The following PCDHA2 variants were observed in gnomAD, a reference collection of about 807,000 sequenced individuals.
The protein encoded by PCDHA2 is protocadherin alpha 2.
PCDHA2 carries 58 observed loss-of-function variants against 66.0 expected under a neutral mutation model. The observed-to-expected ratio is 0.88, with a 90% CI of 0.71 to 1.09. The LOEUF (loss-of-function observed/expected upper bound fraction) is 1.09, where lower values mean the gene tolerates loss of function less well. Ranked by LOEUF, PCDHA2 falls within the 50% of genes least tolerant of loss-of-function variation. The pLI, the probability that PCDHA2 is intolerant of heterozygous loss-of-function variation, is 0.00. For missense variants in PCDHA2, 1,267 were observed against 1,242.3 expected, an observed-to-expected ratio of 1.02 and a Z score of -0.30; for synonymous variants, 634 against 554.0, an observed-to-expected ratio of 1.14 and a Z score of -2.03.
chr5:140,941,597 G>T (rs2093124922), intron 1 of PCDHA2, among the ~76,000 whole-genome samples: 1 of 152,032 alleles, frequency 6.6e-6, no homozygotes, highest in Middle Eastern at 3.4e-3. Context: ...TTACAGCCAT[G>T]AGCCATGGTG....
chr5:140,808,769 C>A, intron 1 of PCDHA2: 2 of 1,612,380 alleles, frequency 1.2e-6, no homozygotes, highest in Non-Finnish European at 1.7e-6. Context: ...CCACGAGGAG[C>A]TAGAGCTGCT....
intron 1 of PCDHA2, among the ~76,000 whole-genome samples, chr5:140,838,693 C>T (rs2150291585): frequency 7.9e-5 from 12 of 151,860 alleles, no homozygotes; most frequent in East Asian, 7.7e-4. Flanking sequence ...CCCAACATTT[C>T]GGGAGGCCGA....
intron 1 of PCDHA2, chr5:140,827,923 C>A: frequency 1.0e-6 from 1 of 965,886 alleles, no homozygotes; most frequent in Non-Finnish European, 1.5e-6. Context: ...CGCTGTCTAC[C>A]ATGAAGTTAT....
chr5:140,805,272 T>G, intron 1 of PCDHA2: 1 of 1,287,730 alleles, frequency 7.8e-7, no homozygotes, highest in Non-Finnish European at 9.8e-7. Context: ...AATGAAAATA[T>G]TACAAATGAA....
intron 3 of PCDHA2, among the ~76,000 whole-genome samples, chr5:140,998,715 C>T (rs535565356): frequency 2.6e-5 from 4 of 152,236 alleles, no homozygotes; most frequent in African/African-American, 9.6e-5. Flanking sequence ...CAAGCTTGCA[C>T]CACCACGCTA....
intron 1 of PCDHA2, chr5:140,841,933 C>G (rs2150325780): frequency 1.2e-6 from 2 of 1,613,858 alleles, no homozygotes; most frequent in Non-Finnish European, 1.7e-6. Flanking sequence ...ACAGAGAGGA[C>G]GCTCCTGCGC....
At chr5:140,831,720 G>C (rs1771679681) in intron 1 of PCDHA2, among the ~76,000 whole-genome samples, 1 of 151,962 alleles carries the variant, frequency 6.6e-6, no homozygotes, top group Non-Finnish European at 1.5e-5. Context: ...GTGAGTTTTG[G>C]TGTTATCCTC....
chr5:140,968,994 G>T (rs1182509201), intron 1 of PCDHA2: 2 of 1,614,098 alleles, frequency 1.2e-6, no homozygotes, highest in Non-Finnish European at 1.7e-6. Context: ...GCATGCTGTG[G>T]AGGCTTCTGT....
chr5:140,849,689 G>A, intron 1 of PCDHA2: 1 of 1,598,668 alleles, frequency 6.3e-7, no homozygotes, highest in South Asian at 1.1e-5. Context: ...TCAAGCTGGT[G>A]TCCACCTACA....
intron 1 of PCDHA2, chr5:140,797,599 T>C (rs1762246423): frequency 1.9e-6 from 1 of 520,462 alleles, no homozygotes; most frequent in South Asian, 3.2e-5. Context: ...TAATAGACCA[T>C]GAAACACTGA....
intron 1 of PCDHA2, among the ~76,000 whole-genome samples, chr5:140,838,192 C>A (rs1473980507): frequency 1.3e-5 from 2 of 149,554 alleles, no homozygotes; most frequent in Non-Finnish European, 3.0e-5. Flanking sequence ...CAGCTCACTG[C>A]AAAATCCGCC....
chr5:140,825,831 AT>A (rs1768728016), intron 1 of PCDHA2: 1 of 152,494 alleles, frequency 6.6e-6, no homozygotes, highest in Non-Finnish European at 1.5e-5. Context: ...GATTAAAAAA[AT>A]AAATATACCA....
At chr5:140,808,905 C>A in intron 1 of PCDHA2, 1 of 1,613,538 alleles carries the variant, frequency 6.2e-7, no homozygotes, top group Non-Finnish European at 8.5e-7. Context: ...GCGGGTGGCA[C>A]TGGTGGCGCA....
chr5:140,874,695 T>C (rs1278085784), intron 1 of PCDHA2, among the ~76,000 whole-genome samples: 1 of 152,228 alleles, frequency 6.6e-6, no homozygotes, highest in East Asian at 1.9e-4. Flanking sequence ...TAACATGTTA[T>C]GGAAATGAGA....
intron 1 of PCDHA2, among the ~76,000 whole-genome samples, chr5:140,953,120 C>T (rs2094851215): frequency 6.6e-6 from 1 of 152,154 alleles, no homozygotes; most frequent in South Asian, 2.1e-4. Context: ...GGACACAGAT[C>T]TAAACCGTAT....
chr5:140,839,229 TTTTTATTGCTTTGC>T (rs2150295605), intron 1 of PCDHA2, among the ~76,000 whole-genome samples: 8 of 151,928 alleles, frequency 5.3e-5, no homozygotes, highest in Non-Finnish European at 1.0e-4. Context: ...CTGTAATCTG[TTTTTATTGCTTTGC>T]TTTTATGCTT....
At position 140,877,451 on chromosome 5, in the gene PCDHA2, C is replaced by T. The variant is rs782361627; in HGVS notation, c.2388+80099C>T. ...AAGGACCACGGTGAGCCCGCGCTGA[C>T]GTCCACGGCCACGGTGCTGGTGTCG... On this transcript the variant is annotated intron_variant, in intron 1 of 3. Coordinates refer to ENST00000526136, the MANE Select transcript of PCDHA2 (RefSeq NM_018905.3). The T allele has an allele frequency of 3.5e-5, 57 of 1,613,672 alleles. No individual in the cohort carries two copies. The East Asian group carries it at 1.2e-3, about 35-fold the overall frequency.
At chr5:140,841,756 C>G (rs1777468782) in intron 1 of PCDHA2, 4 of 1,613,854 alleles carry the variant, frequency 2.5e-6, no homozygotes, top group Non-Finnish European at 1.7e-6. Context: ...TTTCAGAATC[C>G]AGAATGCCAG....
At chr5:140,876,607 T>G (rs1480667665) in intron 1 of PCDHA2, 7 of 1,614,068 alleles carry the variant, frequency 4.3e-6, no homozygotes, top group Non-Finnish European at 5.9e-6. Flanking sequence ...GGATCGTGAC[T>G]CTGGAGCCAA....
Sources: gnomAD v4.1 joint callset for allele counts (sites outside exome capture counted in the v4.1 genomes callset) on GRCh38, gnomAD v4.1.1 for gene constraint, MANE v1.5 for transcripts, NCBI Gene and HGNC (gene_info 2026-07-23, HGNC 2026-07-21) for gene names.